SGCZ: variants seen among roughly 807,000 people sequenced by gnomAD.
SGCZ encodes sarcoglycan zeta.
A neutral mutation model predicts 41.3 loss-of-function variants in SGCZ; 40 were observed. The ratio of observed to expected loss-of-function variants is 0.97; its 90% CI spans 0.75 to 1.26. The LOEUF (loss-of-function observed/expected upper bound fraction) is 1.26, where lower values mean the gene tolerates loss of function less well. Ranked by LOEUF, SGCZ falls within the 50% of genes most tolerant of loss-of-function variation. SGCZ has a pLI of 0.00. For synonymous variants in SGCZ, 206 were observed against 137.5 expected (o/e 1.50, Z -3.49); for missense variants, 552 against 369.8 (o/e 1.49, Z -4.04).
chr8:15,066,063 C>G (rs1454835265), intron 1 of SGCZ, among the ~76,000 whole-genome samples: 2 of 151,696 alleles, frequency 1.3e-5, no homozygotes, highest in African/African-American at 4.8e-5. Flanking sequence ...AATCCCAGCA[C>G]TTTGGGAGGC....
intron 1 of SGCZ, among the ~76,000 whole-genome samples, chr8:14,695,379 T>C (rs1808925826): frequency 1.3e-5 from 2 of 152,238 alleles, no homozygotes; most frequent in South Asian, 4.1e-4. Flanking sequence ...GAAGTAATAT[T>C]AAATGCATGT....
chr8:14,161,584 G>A (rs551983952), intron 5 of SGCZ, among the ~76,000 whole-genome samples: 3 of 152,228 alleles, frequency 2.0e-5, no homozygotes, highest in Admixed American at 6.5e-5. Flanking sequence ...TTTGCTATGG[G>A]CAATCTCATA....
rs1806294542 is a variant in SGCZ, at chr8:15,095,127, T to A, written c.39+142458A>T. On this transcript the variant is annotated intron_variant, in intron 1 of 7. Coordinates refer to ENST00000382080, the MANE Select transcript of SGCZ (RefSeq NM_139167.4). ...TCTTATTTTTTTGTGAGATGGAGAT[T>A]CACTCTTGTTGCCCAGGCTGGAGTG... Among the ~76,000 whole-genome samples, 4 of 152,158 alleles carry A rather than the reference T, an allele frequency of 2.6e-5. No individual in the cohort carries two copies. In the South Asian group the frequency reaches 8.3e-4, roughly 32 times the overall value.
intron 5 of SGCZ, among the ~76,000 whole-genome samples, chr8:14,142,199 G>A (rs1403312770): frequency 6.6e-6 from 1 of 152,238 alleles, no homozygotes; most frequent in Non-Finnish European, 1.5e-5. Flanking sequence ...GATAGCACTG[G>A]GAGAAGTGCC....
chr8:14,639,006 T>C (rs1428009497), intron 1 of SGCZ, among the ~76,000 whole-genome samples: 1 of 151,274 alleles, frequency 6.6e-6, no homozygotes, highest in Non-Finnish European at 1.5e-5. Context: ...GGGAGATGTA[T>C]CTTTAGAAAT....
chr8:14,408,113 A>G (rs1168618902), intron 2 of SGCZ, among the ~76,000 whole-genome samples: 3 of 152,184 alleles, frequency 2.0e-5, no homozygotes, highest in African/African-American at 7.2e-5. Flanking sequence ...TTTTACTTCA[A>G]TAGCATGTGT....
intron 2 of SGCZ, among the ~76,000 whole-genome samples, chr8:14,453,993 A>G (rs76695561): frequency 8.5e-6 from 1 of 117,546 alleles, no homozygotes; most frequent in Non-Finnish European, 1.9e-5. Context: ...CAGTGACACA[A>G]AAAAAAAATA....
chr8:14,372,467 A>G (rs2117165281), intron 2 of SGCZ, among the ~76,000 whole-genome samples: 1 of 152,242 alleles, frequency 6.6e-6, no homozygotes. Context: ...CACAGAACTT[A>G]CATTTTGGTG....
At chr8:14,710,369 CAAA>C (rs770994264) in intron 1 of SGCZ, among the ~76,000 whole-genome samples, 7 of 92,402 alleles carry the variant, frequency 7.6e-5, no homozygotes, top group Admixed American at 1.3e-4. Flanking sequence ...GACTCCGCAT[CAAA>C]AAAAAAAAAA....
intron 2 of SGCZ, among the ~76,000 whole-genome samples, chr8:14,475,681 G>T (rs1485699556): frequency 6.6e-6 from 1 of 152,022 alleles, no homozygotes; most frequent in Non-Finnish European, 1.5e-5. Context: ...TTTAATGAGG[G>T]TCTTACAGCT....
At chr8:14,815,869 T>C (rs376066002) in intron 1 of SGCZ, among the ~76,000 whole-genome samples, 1 of 152,244 alleles carries the variant, frequency 6.6e-6, no homozygotes, top group Non-Finnish European at 1.5e-5. Context: ...GGAGTAACTG[T>C]ATGCAAAATA....
intron 3 of SGCZ, among the ~76,000 whole-genome samples, chr8:14,250,777 C>A (rs976310631): frequency 2.1e-4 from 32 of 152,296 alleles, no homozygotes; most frequent in Middle Eastern, 6.8e-3. Flanking sequence ...TGTCCCAGCG[C>A]TCCTATGCAC....
intron 1 of SGCZ, among the ~76,000 whole-genome samples, chr8:14,601,126 G>C (rs1200889383): frequency 6.6e-6 from 1 of 151,060 alleles, no homozygotes; most frequent in African/African-American, 2.4e-5. Flanking sequence ...TTTACAACTT[G>C]ATTATTTTTC....
rs145047220 is a variant in SGCZ, at chr8:14,486,204, A to T, written c.234+68528T>A. Among the ~76,000 whole-genome samples the T allele has an allele frequency of 1.1e-4, 17 of 152,304 alleles. 1 individual carries two copies. The highest frequency in any genetic ancestry group is 4.1e-4 in the African/African-American group (17 of 41,572). On this transcript the variant is annotated intron_variant, in intron 2 of 7. Transcript: ENST00000382080. ...TCTTTTGGTTGCCATTTTAAAGATC[A>T]AACTTGCCTACACTTCCTCTCCCCC...
At chr8:15,223,987 T>TGA (rs1192251785) in intron 1 of SGCZ, among the ~76,000 whole-genome samples, 1 of 152,122 alleles carries the variant, frequency 6.6e-6, no homozygotes, top group African/African-American at 2.4e-5. Context: ...TCCCAGTAGC[T>TGA]GGGATTACAG....
At chr8:14,625,712 T>G (rs1240564759) in intron 1 of SGCZ, among the ~76,000 whole-genome samples, 17 of 152,140 alleles carry the variant, frequency 1.1e-4, no homozygotes, top group Non-Finnish European at 1.5e-5. Context: ...ATTAAAGGCA[T>G]GAGCCAGCAC....
chr8:14,791,707 T>A (rs1441041085), intron 1 of SGCZ, among the ~76,000 whole-genome samples: 1 of 152,216 alleles, frequency 6.6e-6, no homozygotes, highest in African/African-American at 2.4e-5. Context: ...AGGAGAATAT[T>A]ATGTGCATTA....
chr8:14,399,555 T>C (rs1799015906), intron 2 of SGCZ, among the ~76,000 whole-genome samples: 1 of 152,158 alleles, frequency 6.6e-6, no homozygotes, highest in Non-Finnish European at 1.5e-5. Flanking sequence ...TTCCTGGAAA[T>C]TAGAATCATT....
At chr8:14,209,414 G>C (rs1419021043) in intron 4 of SGCZ, among the ~76,000 whole-genome samples, 1 of 151,832 alleles carries the variant, frequency 6.6e-6, no homozygotes, top group Non-Finnish European at 1.5e-5. Flanking sequence ...TAATTTTCTT[G>C]GTGTGAGACA....
Sources: allele counts gnomAD v4.1 joint callset (sites outside exome capture counted in the v4.1 genomes callset), GRCh38; gene constraint gnomAD v4.1.1; transcripts MANE v1.5; gene names NCBI Gene and HGNC (gene_info 2026-07-23, HGNC 2026-07-21).